Variants in LINGO2 observed in about 807,000 individuals in gnomAD.
The protein encoded by LINGO2 is leucine rich repeat and Ig domain containing 2.
LINGO2 carries 14 observed loss-of-function variants against 30.6 expected under a neutral mutation model. The observed-to-expected ratio is 0.46, with a 90% CI of 0.30 to 0.72. The LOEUF (loss-of-function observed/expected upper bound fraction) is 0.72. Among genes scored for constraint, LINGO2 ranks in the 30% least tolerant of loss-of-function variants. The pLI is 0.07. For synonymous variants in LINGO2, 317 were observed against 288.5 expected (o/e 1.10, Z -1.00); for missense variants, 729 against 751.7 (o/e 0.97, Z 0.35).
At chr9:29,212,608 A>G in the LINGO2 span, among the ~76,000 whole-genome samples, 1 of 151,864 alleles carries the variant, frequency 6.6e-6, no homozygotes, top group Admixed American at 6.5e-5. Flanking sequence ...ATTTAAAAAA[A>G]AAACCTCTCT....
the LINGO2 span, among the ~76,000 whole-genome samples, chr9:29,199,069 G>A: frequency 5.9e-5 from 9 of 152,050 alleles, no homozygotes; most frequent in East Asian, 1.9e-4. Flanking sequence ...TGGTTGTTGC[G>A]GGCCTGTGGG....
rs117635054 is a variant in LINGO2, at chr9:28,053,320, C to A, written c.-86-40915G>T. Among the ~76,000 whole-genome samples, 895 of 152,032 alleles carry A rather than the reference C, an allele frequency of 5.9e-3. 13 individuals carry two copies. The highest frequency in any genetic ancestry group is 0.02 in the African/African-American group (841 of 41,482). Reference sequence around the variant, plus strand: ...GAAACTGCCAGCAGTTTAGTATGACCGGGTCTTAGGCTGCAAGGGAGAGAG... The same window carrying A: ...GAAACTGCCAGCAGTTTAGTATGACAGGGTCTTAGGCTGCAAGGGAGAGAG... On this transcript the variant is annotated intron_variant, in intron 4 of 5. Transcript: ENST00000379992.
intron 4 of LINGO2, among the ~76,000 whole-genome samples, chr9:28,144,950 T>G (rs1827772544): frequency 6.6e-6 from 1 of 152,184 alleles, no homozygotes. Context: ...CAGTGGAAAC[T>G]TTTGAAAGGT....
the LINGO2 span, among the ~76,000 whole-genome samples, chr9:28,956,968 AC>A: frequency 6.6e-6 from 1 of 151,844 alleles, no homozygotes; most frequent in African/African-American, 2.4e-5. Flanking sequence ...GAAATGCCAA[AC>A]TTCGTACTTG....
intron 4 of LINGO2, among the ~76,000 whole-genome samples, chr9:28,255,060 A>G (rs1303687659): frequency 6.6e-6 from 1 of 152,120 alleles, no homozygotes; most frequent in African/African-American, 2.4e-5. Context: ...TTCCTTTGTT[A>G]CTTAGTAAAT....
intron 2 of LINGO2, among the ~76,000 whole-genome samples, chr9:28,472,098 T>C (rs1430933308): frequency 6.6e-6 from 1 of 152,170 alleles, no homozygotes; most frequent in Non-Finnish European, 1.5e-5. Context: ...ATGGTGTTCA[T>C]TATGTCTTAT....
chr9:28,010,887 G>A (rs573271550), intron 5 of LINGO2, among the ~76,000 whole-genome samples: 1 of 152,218 alleles, frequency 6.6e-6, no homozygotes, highest in Non-Finnish European at 1.5e-5. Flanking sequence ...GAACCCAAGA[G>A]TTCGAGGCTG....
At chr9:28,075,941 T>C (rs1254541614) in intron 4 of LINGO2, among the ~76,000 whole-genome samples, 3 of 152,072 alleles carry the variant, frequency 2.0e-5, no homozygotes, top group Non-Finnish European at 4.4e-5. Context: ...TTGCTTTTTG[T>C]GCTGTGCATT....
intron 4 of LINGO2, among the ~76,000 whole-genome samples, chr9:28,170,731 T>C (rs976786962): frequency 2.0e-5 from 3 of 152,190 alleles, no homozygotes; most frequent in African/African-American, 7.2e-5. Context: ...GCTTCCTGTA[T>C]TCCACGGCTC....
chr9:28,897,448 A>T, the LINGO2 span, among the ~76,000 whole-genome samples: 1 of 152,130 alleles, frequency 6.6e-6, no homozygotes, highest in Non-Finnish European at 1.5e-5. Flanking sequence ...GGTAGAGGCG[A>T]TATGCACCAT....
chr9:27,941,588 C>A, the LINGO2 span: 1 of 152,352 alleles, frequency 6.6e-6, no homozygotes, highest in Non-Finnish European at 1.5e-5. Flanking sequence ...TGTCAGCTTT[C>A]TGCTTCCTTC....
chr9:28,467,037 G>GT (rs1032341012), intron 2 of LINGO2, among the ~76,000 whole-genome samples: 3 of 145,800 alleles, frequency 2.1e-5, no homozygotes, highest in South Asian at 2.2e-4. Context: ...TTTTTTTTTG[G>GT]GGGGGGGGGA....
exon 6 of LINGO2, chr9:27,949,743 C>T (rs559778213): frequency 6.2e-6 from 10 of 1,614,098 alleles, no homozygotes; most frequent in Middle Eastern, 1.6e-4. Flanking sequence ...CTCAATGGTG[C>T]GAAGCTGGGC....
the LINGO2 span, among the ~76,000 whole-genome samples, chr9:28,967,876 A>G: frequency 6.6e-6 from 1 of 152,220 alleles, no homozygotes; most frequent in African/African-American, 2.4e-5. Flanking sequence ...GATTTATGCA[A>G]CTTCTTGATC....
At chr9:28,428,027 G>C (rs1157807815) in intron 2 of LINGO2, among the ~76,000 whole-genome samples, 1 of 152,050 alleles carries the variant, frequency 6.6e-6, no homozygotes, top group African/African-American at 2.4e-5. Context: ...GTGTAATACA[G>C]TCAGTTGCAC....
chr9:28,193,174 A>G (rs1819883141), intron 4 of LINGO2, among the ~76,000 whole-genome samples: 1 of 152,166 alleles, frequency 6.6e-6, no homozygotes, highest in African/African-American at 2.4e-5. Flanking sequence ...TAATGATATT[A>G]TTATAAATAG....
chr9:28,879,531 T>A, the LINGO2 span, among the ~76,000 whole-genome samples: 29 of 152,222 alleles, frequency 1.9e-4, no homozygotes, highest in Admixed American at 1.0e-3. Context: ...TTTCTTCCAA[T>A]TACCACTGAA....
At chr9:28,142,942 C>T (rs1157763384) in intron 4 of LINGO2, among the ~76,000 whole-genome samples, 1 of 152,118 alleles carries the variant, frequency 6.6e-6, no homozygotes, top group Non-Finnish European at 1.5e-5. Flanking sequence ...AAATCAACTT[C>T]CTATGCTGGT....
At chr9:28,080,791 G>C (rs1308947619) in intron 4 of LINGO2, 1 of 152,060 alleles carries the variant, frequency 6.6e-6, no homozygotes, top group African/African-American at 2.4e-5. Context: ...CTAAAGTGTA[G>C]GTTCTTAAAT....
Sources: gnomAD v4.1 joint callset for allele counts (sites outside exome capture counted in the v4.1 genomes callset) on GRCh38, gnomAD v4.1.1 for gene constraint, MANE v1.5 for transcripts, NCBI Gene and HGNC (gene_info 2026-07-23, HGNC 2026-07-21) for gene names.